The following GABBR2 variants were observed in gnomAD, a reference collection of about 807,000 sequenced individuals.
GABBR2 encodes the protein G-protein coupled receptor 51.
A neutral mutation model predicts 105.6 loss-of-function variants in GABBR2; 23 were observed. That is an observed-to-expected ratio of 0.22 (90% confidence interval 0.16 to 0.31). The LOEUF is 0.31. Ranked by LOEUF, GABBR2 falls within the 10% of genes least tolerant of loss-of-function variation. The pLI is 1.00. For missense variants in GABBR2, 734 were observed against 1,245.5 expected, an observed-to-expected ratio of 0.59 and a Z score of 6.18; for synonymous variants, 478 against 499.7, an observed-to-expected ratio of 0.96 and a Z score of 0.58.
intron 1 of GABBR2, among the ~76,000 whole-genome samples, chr9:98,627,272 C>G (rs1829751911): frequency 1.3e-5 from 2 of 152,084 alleles, no homozygotes; most frequent in African/African-American, 2.4e-5. Context: ...AAGCTGTGGC[C>G]CTCTCCATCA....
intron 4 of GABBR2, among the ~76,000 whole-genome samples, chr9:98,484,919 GC>G (rs1827011080): frequency 6.6e-6 from 1 of 152,196 alleles, no homozygotes; most frequent in East Asian, 1.9e-4. Context: ...TTTCAGACAA[GC>G]CCCCTGCCTC....
intron 1 of GABBR2, among the ~76,000 whole-genome samples, chr9:98,660,023 A>G (rs1039004640): frequency 6.6e-6 from 1 of 152,180 alleles, no homozygotes; most frequent in Non-Finnish European, 1.5e-5. Flanking sequence ...GCATTATATT[A>G]TACACACTAA....
At chr9:98,695,407 A>G (rs929212359) in intron 1 of GABBR2, among the ~76,000 whole-genome samples, 2 of 152,192 alleles carry the variant, frequency 1.3e-5, no homozygotes, top group Non-Finnish European at 2.9e-5. Context: ...CCCAAGGGCC[A>G]GTGGATGGTT....
intron 1 of GABBR2, among the ~76,000 whole-genome samples, chr9:98,627,615 C>T (rs1564134838): frequency 6.6e-6 from 1 of 152,218 alleles, no homozygotes; most frequent in Non-Finnish European, 1.5e-5. Context: ...GTAGTGATCG[C>T]CCTGTCACAC....
chr9:98,616,438 T>C (rs914167729), intron 1 of GABBR2, among the ~76,000 whole-genome samples: 2 of 152,116 alleles, frequency 1.3e-5, no homozygotes, highest in Admixed American at 6.6e-5. Context: ...GAAGCAGAGC[T>C]CCCAGACAAA....
At chr9:98,412,053 C>G (rs1292310507) in intron 7 of GABBR2, among the ~76,000 whole-genome samples, 1 of 152,238 alleles carries the variant, frequency 6.6e-6, no homozygotes, top group African/African-American at 2.4e-5. Flanking sequence ...TTCACTCCAA[C>G]AAGTTTATGA....
At position 98,625,307 on chromosome 9, in the gene GABBR2, G is replaced by A. The variant is rs140451470; in HGVS notation, c.322-47235C>T. Among the ~76,000 whole-genome samples the A allele has an allele frequency of 7.2e-3, 1,101 of 152,322 alleles. 8 individuals are homozygous for A. Among genetic ancestry groups the A allele is most frequent in the Non-Finnish European group, 9.9e-3 (673 of 68,030 alleles). ...AGGAAGCTCCTGGTCACTGATGCCC[G>A]GCTCAGGGCTCAGGACCATCCAGGA... On this transcript the variant is annotated intron_variant, in intron 1 of 18. Coordinates refer to ENST00000259455, the MANE Select transcript of GABBR2 (RefSeq NM_005458.8).
rs80294096 is a variant in GABBR2, at chr9:98,388,882, A to G, written c.1501T>C (p.Phe501Leu). ...TGATTCCGGTTCTTGATGTTGAAGAAGAGAAAAGCACTGGCCATGATCATC... is the reference window on the plus strand; with the variant it reads ...TGATTCCGGTTCTTGATGTTGAAGAGGAGAAAAGCACTGGCCATGATCATC... ...LGMIMASAFL[F>L]FNIKNRNQKL... is the part of the protein sequence containing the mutation. Residue 501 changes from phenylalanine to leucine, a missense_variant, in exon 10 of 19, where the codon TTC becomes CTC. This residue lies in a region of GABBR2 where 370 missense variants were observed against 648.9 expected (regional missense o/e 0.57). Transcript: ENST00000259455. The surrounding 1 kb of genome is among the most constrained non-coding windows in gnomAD (Gnocchi z 4.4). The G allele has an allele frequency of 6.2e-7, 1 of 1,613,598 alleles. No individual in the cohort carries two copies. The highest frequency in any genetic ancestry group is 8.5e-7 in the Non-Finnish European group (1 of 1,179,720).
At chr9:98,678,223 C>G (rs58783638) in intron 1 of GABBR2, among the ~76,000 whole-genome samples, 1 of 152,132 alleles carries the variant, frequency 6.6e-6, no homozygotes, top group African/African-American at 2.4e-5. Context: ...TATTTTGGAC[C>G]TAATTTTCAC....
intron 8 of GABBR2, among the ~76,000 whole-genome samples, chr9:98,402,376 C>T (rs546397265): frequency 2.4e-4 from 36 of 152,266 alleles, no homozygotes; most frequent in Non-Finnish European, 3.8e-4. Context: ...CTCATCTACA[C>T]GTGGTGTCGT....
At chr9:98,471,722 A>AT (rs527402121) in intron 6 of GABBR2, among the ~76,000 whole-genome samples, 4 of 152,034 alleles carry the variant, frequency 2.6e-5, no homozygotes, top group East Asian at 3.9e-4. Flanking sequence ...TTTCATGGAT[A>AT]TTTTTTTCCC....
chr9:98,651,139 G>GTTTTTTTTTTTTTTTTTTTTTTTTT (rs55727456), intron 1 of GABBR2, among the ~76,000 whole-genome samples: 1 of 129,570 alleles, frequency 7.7e-6, no homozygotes, highest in Non-Finnish European at 1.6e-5. Context: ...ACACACACTG[G>GTTTTTTTTTTTTTTTTTTTTTTTTT]TTTTTTTTTT....
intron 1 of GABBR2, among the ~76,000 whole-genome samples, chr9:98,684,896 C>G (rs148897953): frequency 9.8e-5 from 15 of 152,318 alleles, no homozygotes; most frequent in African/African-American, 3.6e-4. Flanking sequence ...CACCTCCTCC[C>G]AAAACTGCCC....
intron 7 of GABBR2, among the ~76,000 whole-genome samples, chr9:98,425,550 G>A (rs1406683146): frequency 6.6e-6 from 1 of 152,180 alleles, no homozygotes; most frequent in African/African-American, 2.4e-5. Context: ...GGCATTCCAT[G>A]GCTCTGGTCC....
At chr9:98,420,867 G>A (rs1483664488) in intron 7 of GABBR2, among the ~76,000 whole-genome samples, 1 of 152,242 alleles carries the variant, frequency 6.6e-6, no homozygotes, top group Non-Finnish European at 1.5e-5. Context: ...AGGTTGAAGG[G>A]TGGCAGAAGA....
chr9:98,326,961 C>T lies in GABBR2; in HGVS notation c.1894-15756G>A, dbSNP rs373491041. 1.3e-4 allele frequency among the ~76,000 whole-genome samples: 20 copies of T among 152,308 alleles called. No homozygotes were observed. The South Asian group carries it at 3.5e-3, about 27-fold the overall frequency. On this transcript the variant is annotated intron_variant, in intron 13 of 18. Coordinates refer to ENST00000259455, the MANE Select transcript of GABBR2 (RefSeq NM_005458.8). ...AGAGCTACAAAGGTGTGGGCCTGGG[C>T]CCTGAATCTGGGTCTGTGTGATTGG...
intron 13 of GABBR2, among the ~76,000 whole-genome samples, chr9:98,311,785 C>A (rs541299251): frequency 3.1e-4 from 47 of 152,288 alleles, no homozygotes; most frequent in African/African-American, 1.1e-3. Context: ...GGCACCTGAC[C>A]CCAGGCAGCC....
intron 3 of GABBR2, among the ~76,000 whole-genome samples, chr9:98,497,491 T>C (rs1827305061): frequency 6.6e-6 from 1 of 152,114 alleles, no homozygotes; most frequent in Non-Finnish European, 1.5e-5. Context: ...CCTGTGGCCA[T>C]GGCTGTGCAC....
In GABBR2 at chr9:98,565,572, A is replaced by G. The variant is rs146418233; in HGVS notation, c.459+12363T>C. 2.5e-3 allele frequency among the ~76,000 whole-genome samples: 378 copies of G among 152,234 alleles called. 9 individuals are homozygous for G. The South Asian group carries it at 0.036, about 14-fold the overall frequency. ...CCACATAGCTCATCCCATGGAGGTG[A>G]CCCCAGATCCCAGGGCTCTGTCTCT... On this transcript the variant is annotated intron_variant, in intron 2 of 18. Coordinates refer to ENST00000259455, the MANE Select transcript of GABBR2 (RefSeq NM_005458.8).
Sources: allele counts gnomAD v4.1 joint callset (sites outside exome capture counted in the v4.1 genomes callset), GRCh38; gene constraint gnomAD v4.1.1; regional missense constraint gnomAD v4.1.1; non-coding constraint Gnocchi (gnomAD v3.1); transcripts MANE v1.5; gene names NCBI Gene and HGNC (gene_info 2026-07-23, HGNC 2026-07-21).